SAMD5: variants seen among roughly 807,000 people sequenced by gnomAD.
The protein encoded by SAMD5 is sterile alpha motif domain containing 5, also known as sterile alpha motif domain-containing protein 5.
In SAMD5, 13 loss-of-function variants were observed where a neutral mutation model predicts 11.3. The observed-to-expected ratio is 1.15, with a 90% CI of 0.75 to 1.83. The LOEUF (loss-of-function observed/expected upper bound fraction) is 1.83, where lower values mean the gene tolerates loss of function less well. SAMD5 is among the 40% of genes most tolerant of loss of function. The probability of loss-of-function intolerance (pLI) is 0.00; values close to 1 mark genes in which losing one functional copy is unlikely to be tolerated. For missense variants in SAMD5, 255 were observed against 239.1 expected (o/e 1.07, Z -0.44); for synonymous variants, 129 against 111.3 (o/e 1.16, Z -1.00).
chr6:147,606,598 G>A (rs370087911), intron 1 of SAMD5, among the ~76,000 whole-genome samples: 1 of 151,632 alleles, frequency 6.6e-6, no homozygotes, highest in Non-Finnish European at 1.5e-5. Context: ...TTTAAATAGA[G>A]TCTAGATAGT....
At chr6:147,801,564 G>A in the SAMD5 span, among the ~76,000 whole-genome samples, 5 of 152,182 alleles carry the variant, frequency 3.3e-5, no homozygotes, top group Non-Finnish European at 7.3e-5. Context: ...ACAGTGGCCA[G>A]TGTGGAAGTT....
the SAMD5 span, chr6:147,953,363 T>C: frequency 0.95 from 144,567 of 152,122 alleles, 68,768 homozygotes; most frequent in African/African-American, 0.98. Context: ...TCAGGAAAAA[T>C]AAATGGATAT....
the SAMD5 span, among the ~76,000 whole-genome samples, chr6:147,936,562 C>T: frequency 1.3e-5 from 2 of 152,072 alleles, no homozygotes; most frequent in African/African-American, 2.4e-5. Flanking sequence ...AATTCACCCC[C>T]GTGATCCAAT....
chr6:147,656,394 A>G (rs1370396383), intron 1 of SAMD5, among the ~76,000 whole-genome samples: 1 of 152,178 alleles, frequency 6.6e-6, no homozygotes, highest in Admixed American at 6.5e-5. Flanking sequence ...ACAAATACAC[A>G]AACTATCTAC....
intron 1 of SAMD5, among the ~76,000 whole-genome samples, chr6:147,700,701 C>G (rs1482540882): frequency 1.3e-5 from 2 of 152,232 alleles, no homozygotes; most frequent in African/African-American, 4.8e-5. Context: ...GTACCACATT[C>G]TTTTATCAAA....
chr6:147,674,756 C>A (rs913377079), intron 1 of SAMD5, among the ~76,000 whole-genome samples: 2 of 152,086 alleles, frequency 1.3e-5, no homozygotes, highest in Non-Finnish European at 2.9e-5. Context: ...GAATGAGTTA[C>A]CTGCACTATT....
In SAMD5 at chr6:147,564,913, C is replaced by A; in HGVS notation, c.*457C>A. On this transcript the variant is annotated 3_prime_UTR_variant, in exon 2 of 2. Coordinates refer to ENST00000367474, the MANE Select transcript of SAMD5 (RefSeq NM_001030060.3). ...AGTAGCTTTAATTTTTATATTCAAGCATACATTCTACTTCATTTCATATAG... is the reference window on the plus strand; with the variant it reads ...AGTAGCTTTAATTTTTATATTCAAGAATACATTCTACTTCATTTCATATAG... 1 of 835,912 alleles carries A rather than the reference C, an allele frequency of 1.2e-6. No individual in the cohort carries two copies. The allele number at this position is 835,912 out of a possible 1,614,324, so 51.8% of individuals were successfully genotyped here.
At chr6:147,783,244 C>A in the SAMD5 span, among the ~76,000 whole-genome samples, 1 of 152,198 alleles carries the variant, frequency 6.6e-6, no homozygotes, top group South Asian at 2.1e-4. Flanking sequence ...CAGGATCTGG[C>A]TGTTATAACC....
At chr6:147,762,230 C>T in the SAMD5 span, among the ~76,000 whole-genome samples, 2 of 151,998 alleles carry the variant, frequency 1.3e-5, no homozygotes, top group African/African-American at 2.4e-5. Context: ...TTTGGAGACA[C>T]GGTCTCACTC....
the SAMD5 span, among the ~76,000 whole-genome samples, chr6:147,806,154 G>A: frequency 6.6e-6 from 1 of 152,108 alleles, no homozygotes; most frequent in Admixed American, 6.6e-5. Flanking sequence ...GCTGACACAT[G>A]GTATCTTCCA....
Position 147,565,837 on chromosome 6 carries a change from A to G in SAMD5, c.*1381A>G. ...ACCAAAAACTTAGTTGAAAGAAGCC[A>G]TGGCAAAAGATGTTGACGTACAACT... is the stretch of plus-strand genomic sequence containing the variant. On this transcript the variant is annotated 3_prime_UTR_variant, in exon 2 of 2. Transcript: ENST00000367474. 5 of 985,416 alleles carry G rather than the reference A, an allele frequency of 5.1e-6. No individual in the cohort carries two copies. The South Asian group carries it at 1.4e-4, about 28-fold the overall frequency. The allele number at this position is 985,416 out of a possible 1,614,324, so 61.0% of individuals were successfully genotyped here.
At chr6:147,667,064 T>A (rs960082804) in intron 1 of SAMD5, among the ~76,000 whole-genome samples, 1 of 152,172 alleles carries the variant, frequency 6.6e-6, no homozygotes, top group African/African-American at 2.4e-5. Context: ...GAAATTGCCC[T>A]GCTCTCCATG....
At chr6:147,656,238 A>G (rs917966402) in intron 1 of SAMD5, among the ~76,000 whole-genome samples, 2 of 152,204 alleles carry the variant, frequency 1.3e-5, no homozygotes, top group Admixed American at 1.3e-4. Flanking sequence ...TACACACGCT[A>G]GCAGAAAACA....
chr6:147,914,394 T>C, the SAMD5 span, among the ~76,000 whole-genome samples: 1 of 152,070 alleles, frequency 6.6e-6, no homozygotes, highest in Non-Finnish European at 1.5e-5. Flanking sequence ...ACTGAGGAGT[T>C]TGTTTTGACC....
At chr6:147,530,532 G>A (rs2128441052) in intron 1 of SAMD5, among the ~76,000 whole-genome samples, 1 of 152,338 alleles carries the variant, frequency 6.6e-6, no homozygotes, top group Non-Finnish European at 1.5e-5. Flanking sequence ...TCGCATCTTG[G>A]AGATATGCCA....
chr6:147,660,523 GCT>G (rs1456011157), intron 1 of SAMD5, among the ~76,000 whole-genome samples: 2 of 152,074 alleles, frequency 1.3e-5, no homozygotes, highest in African/African-American at 4.8e-5. Flanking sequence ...ATATTGTTTG[GCT>G]CTGTGTCCCT....
chr6:147,553,744 A>C (rs1259253593), intron 1 of SAMD5, among the ~76,000 whole-genome samples: 1 of 152,158 alleles, frequency 6.6e-6, no homozygotes, highest in Non-Finnish European at 1.5e-5. Context: ...GGACAAGGTC[A>C]GTGTCTTGAG....
chr6:147,724,850 A>G (rs1226566111), intron 1 of SAMD5, among the ~76,000 whole-genome samples: 1 of 152,096 alleles, frequency 6.6e-6, no homozygotes, highest in Non-Finnish European at 1.5e-5. Flanking sequence ...TCATACCCAA[A>G]CCTAAGAGTT....
intron 1 of SAMD5, among the ~76,000 whole-genome samples, chr6:147,624,839 C>T (rs1350348129): frequency 6.6e-6 from 1 of 150,836 alleles, no homozygotes; most frequent in African/African-American, 2.4e-5. Flanking sequence ...ACTCATGTGA[C>T]CAAACACTAC....
Sources: allele counts gnomAD v4.1 joint callset (sites outside exome capture counted in the v4.1 genomes callset), GRCh38; gene constraint gnomAD v4.1.1; transcripts MANE v1.5; gene names NCBI Gene and HGNC (gene_info 2026-07-23, HGNC 2026-07-21).